The following CTNNA3 variants were observed in gnomAD, a reference collection of about 807,000 sequenced individuals.
CTNNA3 encodes catenin alpha-3.
A neutral mutation model predicts 95.7 loss-of-function variants in CTNNA3; 76 were observed. The observed-to-expected ratio is 0.79, with a 90% confidence interval of 0.66 to 0.96. The LOEUF is 0.96. CTNNA3 is among the 40% of genes least tolerant of loss of function. CTNNA3 has a pLI of 0.00. For synonymous variants in CTNNA3, 431 were observed against 374.4 expected, an observed-to-expected ratio of 1.15 and a Z score of -1.74; for missense variants, 1,191 against 1,089.8, an observed-to-expected ratio of 1.09 and a Z score of -1.31.
intron 5 of CTNNA3, among the ~76,000 whole-genome samples, chr10:67,487,615 T>A (rs1024445868): frequency 6.6e-6 from 1 of 152,192 alleles, no homozygotes; most frequent in Non-Finnish European, 1.5e-5. Context: ...TGGTTCCCCA[T>A]GGAGGAAAAG....
intron 1 of CTNNA3, among the ~76,000 whole-genome samples, chr10:67,727,079 TATATG>T (rs1383727629): frequency 0.031 from 3,462 of 112,686 alleles, 82 homozygotes; most frequent in Middle Eastern, 0.083. Context: ...ATATGATACA[TATATG>T]ATATAATTAT....
At chr10:65,974,050 A>T (rs1247070900) in intron 16 of CTNNA3, among the ~76,000 whole-genome samples, 1 of 152,188 alleles carries the variant, frequency 6.6e-6, no homozygotes, top group Non-Finnish European at 1.5e-5. Flanking sequence ...ATACTATCTC[A>T]CACCAGTCAG....
At chr10:67,681,571 T>A (rs986973883) in intron 1 of CTNNA3, among the ~76,000 whole-genome samples, 2 of 152,100 alleles carry the variant, frequency 1.3e-5, no homozygotes, top group African/African-American at 4.8e-5. Context: ...AATATATAAG[T>A]TTATGTATAA....
intron 2 of CTNNA3, among the ~76,000 whole-genome samples, chr10:67,622,156 A>C (rs1247376318): frequency 6.6e-6 from 1 of 152,192 alleles, no homozygotes; most frequent in Non-Finnish European, 1.5e-5. Context: ...AAATGACGAC[A>C]TCTGGGGAGA....
At chr10:67,459,255 A>G (rs183474109) in intron 5 of CTNNA3, among the ~76,000 whole-genome samples, 10 of 152,326 alleles carry the variant, frequency 6.6e-5, no homozygotes, top group Non-Finnish European at 1.0e-4. Flanking sequence ...AATGACAATG[A>G]TCTACAGTGC....
chr10:66,222,710 G>T (rs1227716804), intron 13 of CTNNA3, among the ~76,000 whole-genome samples: 2 of 148,460 alleles, frequency 1.3e-5, no homozygotes, highest in Non-Finnish European at 3.0e-5. Context: ...GAAAGGGAAG[G>T]GAAGAAGGGA....
chr10:66,214,740 C>T (rs58048186), intron 13 of CTNNA3, among the ~76,000 whole-genome samples: 8,415 of 152,054 alleles, frequency 0.055, 320 homozygotes, highest in African/African-American at 0.096. Flanking sequence ...CTAACTTTGC[C>T]GTTTTAGTCT....
intron 11 of CTNNA3, among the ~76,000 whole-genome samples, chr10:66,411,971 T>C (rs1308625485): frequency 6.6e-6 from 1 of 152,136 alleles, no homozygotes; most frequent in Non-Finnish European, 1.5e-5. Flanking sequence ...GGAGATGACC[T>C]ATCCCCATCT....
upstream of CTNNA3, among the ~76,000 whole-genome samples, chr10:67,700,774 G>A (rs1396746794): frequency 2.0e-5 from 3 of 152,362 alleles, no homozygotes; most frequent in South Asian, 4.1e-4. Context: ...AAGCTGGACG[G>A]AGAATGACTT....
intron 7 of CTNNA3, among the ~76,000 whole-genome samples, chr10:67,023,012 G>C (rs1413073677): frequency 6.6e-6 from 1 of 152,032 alleles, no homozygotes; most frequent in Non-Finnish European, 1.5e-5. Flanking sequence ...GAAATAAATG[G>C]AGAGGTATAA....
At chr10:67,682,924 A>G (rs1027014750) in intron 1 of CTNNA3, among the ~76,000 whole-genome samples, 3 of 152,232 alleles carry the variant, frequency 2.0e-5, no homozygotes, top group African/African-American at 7.2e-5. Flanking sequence ...AGGCAGGTCT[A>G]TTAGAACTGC....
intron 2 of CTNNA3, among the ~76,000 whole-genome samples, chr10:67,613,213 G>T (rs1255177691): frequency 6.6e-6 from 1 of 152,062 alleles, no homozygotes; most frequent in Non-Finnish European, 1.5e-5. Context: ...CTTGTTCGTA[G>T]CTCTTGTATC....
chr10:66,349,493 A>G (rs921778998), intron 12 of CTNNA3, among the ~76,000 whole-genome samples: 4 of 152,142 alleles, frequency 2.6e-5, no homozygotes, highest in African/African-American at 7.2e-5. Context: ...ATTAACAAAT[A>G]TACCTGGAAA....
chr10:66,625,906 T>C (rs1844917801), intron 9 of CTNNA3, among the ~76,000 whole-genome samples: 1 of 152,090 alleles, frequency 6.6e-6, no homozygotes, highest in African/African-American at 2.4e-5. Flanking sequence ...AGGAGGATGA[T>C]CAGGCTTGAA....
chr10:65,984,797 C>T (rs1157385099), intron 16 of CTNNA3, among the ~76,000 whole-genome samples: 2 of 151,138 alleles, frequency 1.3e-5, no homozygotes, highest in Non-Finnish European at 3.0e-5. Flanking sequence ...GTTATTAATA[C>T]ATGTAAATAT....
intron 7 of CTNNA3, among the ~76,000 whole-genome samples, chr10:67,023,826 G>T (rs967348152): frequency 6.6e-6 from 1 of 152,158 alleles, no homozygotes; most frequent in Non-Finnish European, 1.5e-5. Flanking sequence ...TAGGATACAG[G>T]AGTTTTACAA....
At chr10:66,023,176 C>G (rs1473566931) in intron 15 of CTNNA3, among the ~76,000 whole-genome samples, 1 of 152,124 alleles carries the variant, frequency 6.6e-6, no homozygotes, top group East Asian at 1.9e-4. Flanking sequence ...CTTTCACTAC[C>G]TATTTTCCAT....
chr10:66,260,657 A>G (rs1309410883), intron 13 of CTNNA3, among the ~76,000 whole-genome samples: 1 of 152,294 alleles, frequency 6.6e-6, no homozygotes, highest in African/African-American at 2.4e-5. Flanking sequence ...GAGTCAAAGC[A>G]GGAAAAAGCA....
chr10:66,031,205 G>A (rs1021005938), intron 15 of CTNNA3, among the ~76,000 whole-genome samples: 7 of 151,958 alleles, frequency 4.6e-5, no homozygotes, highest in African/African-American at 1.7e-4. Context: ...CCTATTATTG[G>A]GTACATGCCC....
Sources: allele counts gnomAD v4.1 joint callset (sites outside exome capture counted in the v4.1 genomes callset), GRCh38; gene constraint gnomAD v4.1.1; transcripts MANE v1.5; gene names NCBI Gene and HGNC (gene_info 2026-07-23, HGNC 2026-07-21).